NTM: variants seen among roughly 807,000 people sequenced by gnomAD.
The protein encoded by NTM is IgLON family member 2.
NTM carries 13 observed loss-of-function variants against 42.1 expected under a neutral mutation model. That is an observed-to-expected ratio of 0.31 (90% CI 0.20 to 0.49). The LOEUF is 0.49. Among genes scored for constraint, NTM ranks in the 20% least tolerant of loss-of-function variants. NTM has a pLI of 0.99. For missense variants in NTM, 373 were observed against 452.8 expected, an observed-to-expected ratio of 0.82 and a Z score of 1.60; for synonymous variants, 187 against 179.2, an observed-to-expected ratio of 1.04 and a Z score of -0.35.
intron 7 of NTM, among the ~76,000 whole-genome samples, chr11:132,315,452 C>G (rs1180416763): frequency 1.3e-5 from 2 of 152,184 alleles, no homozygotes; most frequent in African/African-American, 4.8e-5. Flanking sequence ...CTAAAGGCCA[C>G]AGGATTAAAT....
intron 1 of NTM, among the ~76,000 whole-genome samples, chr11:131,908,368 C>T (rs1212809928): frequency 5.3e-5 from 8 of 152,188 alleles, no homozygotes; most frequent in Admixed American, 1.3e-4. Context: ...GTAGGCCCCT[C>T]GGGAAAGCCT....
chr11:131,676,662 C>G (rs2071457586), intron 1 of NTM, among the ~76,000 whole-genome samples: 1 of 152,216 alleles, frequency 6.6e-6, no homozygotes, highest in Non-Finnish European at 1.5e-5. Context: ...ATTGGAGAGA[C>G]AGATTTGCTC....
At chr11:131,467,047 G>A (rs1335854525) in intron 1 of NTM, among the ~76,000 whole-genome samples, 11 of 152,168 alleles carry the variant, frequency 7.2e-5, no homozygotes, top group South Asian at 2.1e-4. Flanking sequence ...GTTTTCTGGC[G>A]TACAGGGACT....
chr11:132,268,833 CT>C (rs1278335944), intron 4 of NTM, among the ~76,000 whole-genome samples: 2 of 152,028 alleles, frequency 1.3e-5, no homozygotes, highest in South Asian at 2.1e-4. Flanking sequence ...TCTACGCTCT[CT>C]CTAGCAGAAA....
chr11:131,986,480 A>C (rs1198950442), intron 2 of NTM, among the ~76,000 whole-genome samples: 2 of 152,200 alleles, frequency 1.3e-5, no homozygotes, highest in Non-Finnish European at 1.5e-5. Context: ...CTTCTACCTG[A>C]CATTCATTTT....
At chr11:131,704,137 T>C (rs1036788568) in intron 1 of NTM, among the ~76,000 whole-genome samples, 6 of 152,234 alleles carry the variant, frequency 3.9e-5, no homozygotes, top group African/African-American at 1.4e-4. Flanking sequence ...CTAGGATAAC[T>C]CAATCACCAG....
At chr11:131,749,849 C>T (rs1014516532) in intron 1 of NTM, among the ~76,000 whole-genome samples, 1 of 152,228 alleles carries the variant, frequency 6.6e-6, no homozygotes, top group Non-Finnish European at 1.5e-5. Flanking sequence ...ATTTGCCCTC[C>T]TCAGCCTCCC....
intron 2 of NTM, among the ~76,000 whole-genome samples, chr11:132,088,976 A>G (rs556970617): frequency 1.3e-5 from 2 of 152,284 alleles, no homozygotes; most frequent in African/African-American, 2.4e-5. Context: ...CTGTAAGAGG[A>G]ATGCCTAATG....
chr11:131,795,395 T>C (rs1015055627), intron 1 of NTM: 2 of 984,726 alleles, frequency 2.0e-6, no homozygotes, highest in Non-Finnish European at 2.4e-6. Context: ...AAAAAGGGAA[T>C]AGTGATATTT....
chr11:131,936,199 A>T (rs933053898), intron 2 of NTM, among the ~76,000 whole-genome samples: 1 of 152,326 alleles, frequency 6.6e-6, no homozygotes, highest in East Asian at 1.9e-4. Flanking sequence ...CTTGTCATTA[A>T]CGTTGGTTAA....
chr11:131,614,484 G>C (rs1173250035), intron 1 of NTM, among the ~76,000 whole-genome samples: 5 of 152,206 alleles, frequency 3.3e-5, no homozygotes. Flanking sequence ...GGACAAAAGT[G>C]CTGATGATCT....
intron 1 of NTM, among the ~76,000 whole-genome samples, chr11:131,808,893 C>T (rs1025597459): frequency 6.6e-6 from 1 of 152,192 alleles, no homozygotes; most frequent in African/African-American, 2.4e-5. Context: ...TCAGAAAGAC[C>T]CAGGCTAAAA....
chr11:131,894,153 T>A (rs1342977670), intron 1 of NTM, among the ~76,000 whole-genome samples: 1 of 152,186 alleles, frequency 6.6e-6, no homozygotes, highest in Admixed American at 6.5e-5. Flanking sequence ...TGTTGGGAAA[T>A]ACTCTGTGAG....
intron 1 of NTM, among the ~76,000 whole-genome samples, chr11:131,488,722 C>T (rs1030974481): frequency 6.6e-6 from 1 of 152,134 alleles, no homozygotes; most frequent in Non-Finnish European, 1.5e-5. Flanking sequence ...CTCACACATC[C>T]AGAATTTTCA....
chr11:132,310,438 T>C (rs1473172037), intron 6 of NTM, among the ~76,000 whole-genome samples: 1 of 152,212 alleles, frequency 6.6e-6, no homozygotes, highest in Non-Finnish European at 1.5e-5. Flanking sequence ...GAATTATCAC[T>C]GGCCAACCAA....
At chr11:131,552,597 T>G (rs1592028025) in intron 1 of NTM, among the ~76,000 whole-genome samples, 1 of 150,322 alleles carries the variant, frequency 6.7e-6, no homozygotes, top group East Asian at 2.0e-4. Context: ...AGGTGAATCA[T>G]GAGGTCAGGA....
At chr11:131,834,089 C>T (rs1349278928) in intron 1 of NTM, among the ~76,000 whole-genome samples, 1 of 152,112 alleles carries the variant, frequency 6.6e-6, no homozygotes, top group Admixed American at 6.5e-5. Context: ...CTGATATCTT[C>T]TCTTTCGTTT....
At position 131,963,160 on chromosome 11, in the gene NTM, G is replaced by T. The variant is rs371940494; in HGVS notation, c.167+51512G>T. ...CGAGACTCCTGGGTCCTAGGCAAAA[G>T]ACTTTATTACTGTGGCACAGCCAGT... is the stretch of plus-strand genomic sequence containing the variant. On this transcript the variant is annotated intron_variant, in intron 2 of 8. Transcript: ENST00000683400. Among the ~76,000 whole-genome samples the T allele has an allele frequency of 1.2e-4, 19 of 152,272 alleles. No individual in the cohort carries two copies. In the East Asian group the frequency reaches 3.7e-3, roughly 30 times the overall value.
At chr11:131,841,263 G>T (rs1389288179) in intron 1 of NTM, among the ~76,000 whole-genome samples, 1 of 152,190 alleles carries the variant, frequency 6.6e-6, no homozygotes, top group Admixed American at 6.5e-5. Context: ...ACTGCCAAGT[G>T]TTGTTGCCAA....
Sources: allele counts gnomAD v4.1 joint callset (sites outside exome capture counted in the v4.1 genomes callset), GRCh38; gene constraint gnomAD v4.1.1; transcripts MANE v1.5; gene names NCBI Gene and HGNC (gene_info 2026-07-23, HGNC 2026-07-21).